The following GALNT14 variants were observed in gnomAD, a reference collection of about 807,000 sequenced individuals.
GALNT14 encodes polypeptide N-acetylgalactosaminyltransferase 14.
GALNT14 carries 60 observed loss-of-function variants against 77.5 expected under a neutral mutation model. The observed-to-expected ratio is 0.77, with a 90% confidence interval of 0.63 to 0.96. GALNT14 has a LOEUF of 0.96. GALNT14 is among the 40% of genes least tolerant of loss of function. The pLI, the probability that GALNT14 is intolerant of heterozygous loss-of-function variation, is 0.00. For missense variants in GALNT14, 710 were observed against 731.0 expected (o/e 0.97, Z 0.33); for synonymous variants, 280 against 281.7 (o/e 0.99, Z 0.06).
chr2:31,029,679 G>A (rs1013049964), intron 1 of GALNT14, among the ~76,000 whole-genome samples: 1 of 152,134 alleles, frequency 6.6e-6, no homozygotes, highest in East Asian at 1.9e-4. Flanking sequence ...CAATCATGTA[G>A]ACTAGAACAA....
chr2:30,940,136 T>C (rs1666294964), intron 9 of GALNT14, among the ~76,000 whole-genome samples: 1 of 152,164 alleles, frequency 6.6e-6, no homozygotes, highest in Non-Finnish European at 1.5e-5. Context: ...GGTTTAAAAA[T>C]TTTGTGATGG....
chr2:31,083,984 G>T (rs992251408), intron 1 of GALNT14, among the ~76,000 whole-genome samples: 3 of 152,190 alleles, frequency 2.0e-5, no homozygotes, highest in Admixed American at 2.0e-4. Flanking sequence ...TTTATGGGTG[G>T]ATTTAGGAAC....
At chr2:31,006,142 C>T (rs915951158) in intron 1 of GALNT14, among the ~76,000 whole-genome samples, 1 of 152,170 alleles carries the variant, frequency 6.6e-6, no homozygotes, top group East Asian at 1.9e-4. Flanking sequence ...CTGGAATGGC[C>T]GGTCCAACAG....
intron 1 of GALNT14, among the ~76,000 whole-genome samples, chr2:31,038,316 A>G (rs1262281488): frequency 6.6e-6 from 1 of 151,504 alleles, no homozygotes; most frequent in Non-Finnish European, 1.5e-5. Flanking sequence ...CTGGTCTCAA[A>G]TGCCTGACCT....
intron 1 of GALNT14, among the ~76,000 whole-genome samples, chr2:30,995,018 T>C (rs934468729): frequency 6.6e-6 from 1 of 151,828 alleles, no homozygotes; most frequent in Non-Finnish European, 1.5e-5. Context: ...GAAGGATGAG[T>C]AGGGATCTTA....
chr2:30,924,267 G>T lies in GALNT14; in HGVS notation c.1236-4C>A. 1 of 1,614,100 alleles carries T rather than the reference G, an allele frequency of 6.2e-7. No individual in the cohort carries two copies. Among genetic ancestry groups the T allele is most frequent in the Non-Finnish European group, 8.5e-7 (1 of 1,179,934 alleles). ...GATGGAGGACTCCTTGGGGATGCTG[G>T]AGGAGAGTCACAGGGAGAGAGGAGA... On this transcript the variant is annotated splice_region_variant and splice_polypyrimidine_tract_variant and intron_variant, in intron 12 of 14. Transcript: ENST00000349752.
Position 31,134,580 on chromosome 2 carries a change from C to G in GALNT14, c.129+3378G>C, listed in dbSNP as rs139230058. 4.7e-4 allele frequency among the ~76,000 whole-genome samples: 71 copies of G among 152,358 alleles called. No homozygotes were observed. The East Asian group carries it at 0.014, about 29-fold the overall frequency. The stretch of plus-strand genomic sequence containing the variant: ...CACCCAACACAGGGACTCTCCTCAT[C>G]AGGGTGTGCTCCATCCAGTGAGGGG... On this transcript the variant is annotated intron_variant, in intron 1 of 14. Coordinates refer to ENST00000349752, the MANE Select transcript of GALNT14 (RefSeq NM_024572.4).
chr2:31,118,045 G>C (rs1410223572), intron 1 of GALNT14, among the ~76,000 whole-genome samples: 1 of 152,172 alleles, frequency 6.6e-6, no homozygotes, highest in East Asian at 1.9e-4. Flanking sequence ...CTTAAAGCAA[G>C]GGAGAATGTG....
chr2:31,059,325 T>C (rs1163348587), intron 1 of GALNT14, among the ~76,000 whole-genome samples: 1 of 152,192 alleles, frequency 6.6e-6, no homozygotes, highest in Non-Finnish European at 1.5e-5. Context: ...AAATAGTCAA[T>C]GCTTTATGTA....
intron 1 of GALNT14, among the ~76,000 whole-genome samples, chr2:30,998,284 C>A (rs1367110678): frequency 3.9e-5 from 6 of 152,086 alleles, no homozygotes; most frequent in Non-Finnish European, 8.8e-5. Flanking sequence ...ATCTCCTTTT[C>A]TCCTTCCTTC....
chr2:31,072,626 T>G (rs1297367807), intron 1 of GALNT14, among the ~76,000 whole-genome samples: 1 of 151,984 alleles, frequency 6.6e-6, no homozygotes, highest in African/African-American at 2.4e-5. Flanking sequence ...TAAGTCCAAT[T>G]CCAAATGTGA....
intron 1 of GALNT14, among the ~76,000 whole-genome samples, chr2:31,121,023 C>A (rs1225338689): frequency 1.3e-5 from 2 of 152,232 alleles, no homozygotes; most frequent in Non-Finnish European, 2.9e-5. Flanking sequence ...ATCTGCCAGC[C>A]TCTGTGCTTG....
intron 1 of GALNT14, among the ~76,000 whole-genome samples, chr2:31,120,314 A>C (rs1301290318): frequency 1.3e-5 from 2 of 152,218 alleles, no homozygotes; most frequent in African/African-American, 4.8e-5. Flanking sequence ...ATGTTTATAC[A>C]TGTTTACAAA....
chr2:31,008,312 G>A (rs1670802777), intron 1 of GALNT14, among the ~76,000 whole-genome samples: 1 of 152,054 alleles, frequency 6.6e-6, no homozygotes, highest in South Asian at 2.1e-4. Flanking sequence ...GCCCAGGTTG[G>A]TCTCAAATTC....
chr2:30,957,025 C>T (rs1241822770), intron 4 of GALNT14, among the ~76,000 whole-genome samples: 1 of 152,196 alleles, frequency 6.6e-6, no homozygotes, highest in East Asian at 1.9e-4. Context: ...GTCCCTGTTA[C>T]TCCCTGGCTT....
chr2:30,995,127 ATGT>A (rs1669942468), intron 1 of GALNT14, among the ~76,000 whole-genome samples: 1 of 117,470 alleles, frequency 8.5e-6, no homozygotes, highest in Non-Finnish European at 1.8e-5. Flanking sequence ...AGCAGAACCA[ATGT>A]TGTGTGTGTG....
chr2:30,889,923 G>A, the GALNT14 span, among the ~76,000 whole-genome samples: 1 of 152,168 alleles, frequency 6.6e-6, no homozygotes, highest in Non-Finnish European at 1.5e-5. Flanking sequence ...CACTTAACAA[G>A]TTTTATAAAA....
At chr2:30,894,208 G>C in the GALNT14 span, among the ~76,000 whole-genome samples, 16 of 152,126 alleles carry the variant, frequency 1.1e-4, no homozygotes, top group Admixed American at 1.3e-4. Flanking sequence ...TCCTCTCACA[G>C]CAGTTACAGG....
intron 1 of GALNT14, among the ~76,000 whole-genome samples, chr2:31,006,970 G>C (rs1670711536): frequency 6.6e-6 from 1 of 152,194 alleles, no homozygotes; most frequent in Admixed American, 6.5e-5. Context: ...TGTAAATAAG[G>C]TGACATCAAG....
Sources: gnomAD v4.1 joint callset for allele counts (sites outside exome capture counted in the v4.1 genomes callset) on GRCh38, gnomAD v4.1.1 for gene constraint, MANE v1.5 for transcripts, NCBI Gene and HGNC (gene_info 2026-07-23, HGNC 2026-07-21) for gene names.